The following AOPEP variants were observed in gnomAD, a reference collection of about 807,000 sequenced individuals.
AOPEP encodes the protein aminopeptidase O (putative).
In AOPEP, 77 loss-of-function variants were observed where a neutral mutation model predicts 98.1. That is an observed-to-expected ratio of 0.78 (90% CI 0.65 to 0.95). The LOEUF (loss-of-function observed/expected upper bound fraction) is 0.95. Ranked by LOEUF, AOPEP falls within the 40% of genes least tolerant of loss-of-function variation. The pLI, the probability that AOPEP is intolerant of heterozygous loss-of-function variation, is 0.00. For missense variants in AOPEP, 1,024 were observed against 1,024.7 expected (o/e 1.00, Z 0.01); for synonymous variants, 346 against 365.3 (o/e 0.95, Z 0.60).
intron 13 of AOPEP, chr9:95,018,859 A>T (rs2063223282): frequency 1.3e-5 from 2 of 152,062 alleles, no homozygotes; most frequent in East Asian, 1.9e-4. Flanking sequence ...TAGTGAGGGG[A>T]CTTCTCTAAG....
intron 5 of AOPEP, among the ~76,000 whole-genome samples, chr9:94,848,620 TCAAACAAACAAA>T (rs199659665): frequency 6.6e-6 from 1 of 150,410 alleles, no homozygotes; most frequent in Non-Finnish European, 1.5e-5. Flanking sequence ...AGATTCCCAC[TCAAACAAACAAA>T]CAAACAAACA....
intron 10 of AOPEP, among the ~76,000 whole-genome samples, chr9:94,970,832 C>G (rs1352644352): frequency 6.6e-6 from 1 of 151,896 alleles, no homozygotes; most frequent in East Asian, 1.9e-4. Flanking sequence ...CCCGGAATAA[C>G]TTTTCAGGTC....
chr9:95,117,740 T>G, the AOPEP span, among the ~76,000 whole-genome samples: 1 of 151,002 alleles, frequency 6.6e-6, no homozygotes, highest in African/African-American at 2.4e-5. Flanking sequence ...TTTTTTTTTT[T>G]GAAACGGAGT....
intron 1 of AOPEP, among the ~76,000 whole-genome samples, chr9:94,736,016 C>T (rs543807722): frequency 6.6e-6 from 1 of 152,322 alleles, no homozygotes; most frequent in African/African-American, 2.4e-5. Context: ...TTCCTTTTTA[C>T]AGCTGAATAA....
At chr9:94,939,194 G>A (rs1291752264) in intron 7 of AOPEP, among the ~76,000 whole-genome samples, 4 of 150,788 alleles carry the variant, frequency 2.7e-5, no homozygotes, top group African/African-American at 9.8e-5. Flanking sequence ...GTTGCAGTGA[G>A]CCGAGATCAT....
chr9:94,785,412 CT>C (rs1844212433), intron 3 of AOPEP, among the ~76,000 whole-genome samples: 1 of 152,176 alleles, frequency 6.6e-6, no homozygotes, highest in South Asian at 2.1e-4. Context: ...ATACATGTAT[CT>C]TACTAGTGAG....
intron 1 of AOPEP, among the ~76,000 whole-genome samples, chr9:94,756,906 A>G (rs1837190441): frequency 6.6e-6 from 1 of 152,112 alleles, no homozygotes; most frequent in Admixed American, 6.5e-5. Flanking sequence ...GGATAAACCT[A>G]ATTTTGTGAT....
At chr9:95,088,049 C>G (rs1455596540), downstream of AOPEP, among the ~76,000 whole-genome samples, 1 of 152,238 alleles carries the variant, frequency 6.6e-6, no homozygotes, top group Non-Finnish European at 1.5e-5. Flanking sequence ...GATTTGCTCT[C>G]TGCTGTCACA....
At chr9:94,834,707 C>A (rs973935882) in intron 5 of AOPEP, among the ~76,000 whole-genome samples, 16 of 152,222 alleles carry the variant, frequency 1.1e-4, no homozygotes, top group African/African-American at 3.9e-4. Context: ...GCAGGAGAAT[C>A]GCTTGAACCT....
intron 5 of AOPEP, among the ~76,000 whole-genome samples, chr9:94,897,710 A>G (rs1440108065): frequency 1.3e-5 from 2 of 152,216 alleles, no homozygotes; most frequent in African/African-American, 2.4e-5. Flanking sequence ...TCTCTCCCCA[A>G]ATAAAAATTA....
chr9:94,921,917 G>A (rs1282311230), intron 5 of AOPEP, among the ~76,000 whole-genome samples: 1 of 152,130 alleles, frequency 6.6e-6, no homozygotes, highest in Non-Finnish European at 1.5e-5. Flanking sequence ...ATTTACCCCC[G>A]ACTCAGAAGA....
intron 5 of AOPEP, among the ~76,000 whole-genome samples, chr9:94,857,107 G>A (rs913281825): frequency 6.6e-6 from 1 of 152,076 alleles, no homozygotes; most frequent in African/African-American, 2.4e-5. Context: ...GCTGCTCTGG[G>A]CTCTCTGAAA....
chr9:94,775,387 TTG>T, intron 3 of AOPEP, among the ~76,000 whole-genome samples: 2 of 152,098 alleles, frequency 1.3e-5, no homozygotes, highest in Non-Finnish European at 2.9e-5. Context: ...TTTTTTTTTT[TTG>T]AGACAGAGTC....
chr9:94,933,637 C>T (rs928043718), intron 7 of AOPEP: 1 of 985,316 alleles, frequency 1.0e-6, no homozygotes. Flanking sequence ...AAGTATGTAA[C>T]CCTATCCATA....
chr9:94,816,654 G>A (rs1851763231), intron 5 of AOPEP, among the ~76,000 whole-genome samples: 1 of 152,148 alleles, frequency 6.6e-6, no homozygotes, highest in African/African-American at 2.4e-5. Context: ...ACTAAGGGCT[G>A]GAGATGGTGG....
chr9:94,813,447 G>A (rs1262370020), intron 5 of AOPEP, among the ~76,000 whole-genome samples: 1 of 152,146 alleles, frequency 6.6e-6, no homozygotes, highest in East Asian at 1.9e-4. Flanking sequence ...TCACAAACAA[G>A]CTCCAGGTCC....
chr9:94,983,968 C>T (rs773376015), intron 11 of AOPEP, among the ~76,000 whole-genome samples: 23 of 151,730 alleles, frequency 1.5e-4, no homozygotes, highest in Non-Finnish European at 2.6e-4. Context: ...AGGAGCTCAC[C>T]GTCCAATGCA....
At chr9:94,778,361 T>C (rs1842613181) in intron 3 of AOPEP, among the ~76,000 whole-genome samples, 1 of 152,022 alleles carries the variant, frequency 6.6e-6, no homozygotes, top group African/African-American at 2.4e-5. Context: ...CAGCACATTT[T>C]CCATAATGAC....
At chr9:94,920,254 C>CTG (rs2053426773) in intron 5 of AOPEP, 1 of 152,576 alleles carries the variant, frequency 6.6e-6, no homozygotes. Context: ...ACCTGGGAGG[C>CTG]TGAGGTTGTG....
Sources: gnomAD v4.1 joint callset for allele counts (sites outside exome capture counted in the v4.1 genomes callset) on GRCh38, gnomAD v4.1.1 for gene constraint, MANE v1.5 for transcripts, NCBI Gene and HGNC (gene_info 2026-07-23, HGNC 2026-07-21) for gene names.